Variants in MYT1L observed in about 807,000 individuals in gnomAD.
The protein encoded by MYT1L is myelin transcription factor 1-like protein.
In MYT1L, 12 loss-of-function variants were observed where a neutral mutation model predicts 126.7. That is an observed-to-expected ratio of 0.09 (90% CI 0.06 to 0.15). The LOEUF is 0.15. Among genes scored for constraint, MYT1L ranks in the 10% least tolerant of loss-of-function variants. The pLI, the probability that MYT1L is intolerant of heterozygous loss-of-function variation, is 1.00. For synonymous variants in MYT1L, 541 were observed against 604.2 expected, an observed-to-expected ratio of 0.90 and a Z score of 1.53; for missense variants, 979 against 1,585.2, an observed-to-expected ratio of 0.62 and a Z score of 6.49.
chr2:1,813,969 G>A (rs1248011743), intron 21 of MYT1L, among the ~76,000 whole-genome samples: 1 of 137,406 alleles, frequency 7.3e-6, no homozygotes, highest in Non-Finnish European at 1.6e-5. Flanking sequence ...GGAGCTTGCA[G>A]TGAGCCGAGA....
chr2:1,937,689 T>C (rs60572127), intron 9 of MYT1L, among the ~76,000 whole-genome samples: 23,085 of 150,956 alleles, frequency 0.15, 2,261 homozygotes, highest in Middle Eastern at 0.26. Flanking sequence ...GGCCCTAATG[T>C]CCACAGCCAT....
chr2:2,234,649 T>C (rs1237652880), intron 2 of MYT1L, among the ~76,000 whole-genome samples: 1 of 152,102 alleles, frequency 6.6e-6, no homozygotes, highest in East Asian at 1.9e-4. Flanking sequence ...CTGTAGTCCT[T>C]CCCCATGGCA....
At chr2:2,308,660 T>G (rs2095899005) in intron 1 of MYT1L, among the ~76,000 whole-genome samples, 1 of 151,962 alleles carries the variant, frequency 6.6e-6, no homozygotes, top group Non-Finnish European at 1.5e-5. Flanking sequence ...TACACTTCAG[T>G]ACACTCTACC....
intron 4 of MYT1L, among the ~76,000 whole-genome samples, chr2:2,016,950 T>C (rs1387408053): frequency 6.6e-6 from 1 of 152,240 alleles, no homozygotes; most frequent in East Asian, 1.9e-4. Context: ...TAAAAGCATC[T>C]ACCTGCTTAA....
At chr2:2,201,861 CACTT>C (rs2093089266) in intron 2 of MYT1L, among the ~76,000 whole-genome samples, 1 of 152,122 alleles carries the variant, frequency 6.6e-6, no homozygotes, top group African/African-American at 2.4e-5. Context: ...TATTTAACGA[CACTT>C]AATCATTACT....
chr2:1,881,032 G>A (rs2047467399), intron 18 of MYT1L, among the ~76,000 whole-genome samples: 1 of 152,194 alleles, frequency 6.6e-6, no homozygotes, highest in African/African-American at 2.4e-5. Flanking sequence ...TGGTTGTTTT[G>A]TTTTTGGCTG....
rs2065605328 is a variant in MYT1L at position 2,026,553 on chromosome 2, C to T, written c.-158+27425G>A. The stretch of plus-strand genomic sequence containing the variant: ...AATTGCTCACCACCCACTACAAGCT[C>T]AGTGCGTTAGTAAGAAAGCGGCTTC... On this transcript the variant is annotated intron_variant, in intron 4 of 24. Transcript: ENST00000647738. Among the ~76,000 whole-genome samples, 6 of 152,356 alleles carry T rather than the reference C, an allele frequency of 3.9e-5. No homozygotes were observed. In the South Asian group the frequency reaches 1.2e-3, roughly 32 times the overall value.
At chr2:2,305,520 A>T (rs556714531) in intron 1 of MYT1L, among the ~76,000 whole-genome samples, 2 of 152,364 alleles carry the variant, frequency 1.3e-5, no homozygotes, top group Middle Eastern at 3.4e-3. Context: ...CTTCACTGAG[A>T]CTGCCCTGCT....
chr2:2,170,312 G>A lies in MYT1L; in HGVS notation c.-304+2560C>T, dbSNP rs13391870. ...CCACAGGCCAAATCTGTTCTCTACC[G>A]ACGCTGTAAATAAGGGTTGACAAAC... On this transcript the variant is annotated intron_variant, in intron 3 of 24. Coordinates refer to ENST00000647738, the MANE Select transcript of MYT1L (RefSeq NM_001303052.2). Among the ~76,000 whole-genome samples the A allele has an allele frequency of 2.4e-3, 373 of 152,304 alleles. 3 individuals are homozygous for A. Among genetic ancestry groups the A allele is most frequent in the African/African-American group, 8.6e-3 (358 of 41,558 alleles).
At chr2:2,262,686 C>T (rs2095003941) in intron 2 of MYT1L, among the ~76,000 whole-genome samples, 2 of 144,834 alleles carry the variant, frequency 1.4e-5, no homozygotes, top group South Asian at 2.3e-4. Context: ...GAGCAAGACT[C>T]CATCTCAAAA....
intron 18 of MYT1L, among the ~76,000 whole-genome samples, chr2:1,873,028 GC>G (rs2046451718): frequency 6.6e-6 from 1 of 152,132 alleles, no homozygotes; most frequent in African/African-American, 2.4e-5. Flanking sequence ...CATAATCACT[GC>G]CCCAGCTCCT....
intron 22 of MYT1L, among the ~76,000 whole-genome samples, chr2:1,802,444 G>A (rs1024856449): frequency 2.6e-5 from 4 of 152,138 alleles, no homozygotes; most frequent in Admixed American, 6.5e-5. Flanking sequence ...CTGAATATTC[G>A]ACATTTAGCA....
chr2:2,219,334 A>G (rs1467812347), intron 2 of MYT1L, among the ~76,000 whole-genome samples: 1 of 152,208 alleles, frequency 6.6e-6, no homozygotes, highest in Admixed American at 6.5e-5. Context: ...GGCTTTCTGC[A>G]TAAGTTAAGG....
chr2:1,957,435 C>T (rs2058586930), intron 8 of MYT1L, among the ~76,000 whole-genome samples: 2 of 152,070 alleles, frequency 1.3e-5, no homozygotes, highest in South Asian at 2.1e-4. Flanking sequence ...CTCCCAACCT[C>T]CTGCTCAGAG....
chr2:1,862,618 A>G (rs1211374620), intron 18 of MYT1L, among the ~76,000 whole-genome samples: 1 of 152,240 alleles, frequency 6.6e-6, no homozygotes, highest in Non-Finnish European at 1.5e-5. Flanking sequence ...AATAAAATGT[A>G]TCTAGACTTC....
At chr2:2,145,478 A>AC (rs2084742965) in intron 3 of MYT1L, among the ~76,000 whole-genome samples, 2 of 152,154 alleles carry the variant, frequency 1.3e-5, no homozygotes, top group African/African-American at 4.8e-5. Flanking sequence ...AACTTGCCAC[A>AC]CCATGATATC....
chr2:2,075,144 G>A (rs1020150421), intron 3 of MYT1L, among the ~76,000 whole-genome samples: 2 of 152,190 alleles, frequency 1.3e-5, no homozygotes, highest in African/African-American at 4.8e-5. Flanking sequence ...AATGCAAAGT[G>A]CAGAAAGAAG....
At chr2:2,153,821 G>T (rs2086244988) in intron 3 of MYT1L, among the ~76,000 whole-genome samples, 1 of 152,112 alleles carries the variant, frequency 6.6e-6, no homozygotes, top group South Asian at 2.1e-4. Flanking sequence ...CTGGTGTCGG[G>T]TGGCATCTGA....
intron 4 of MYT1L, among the ~76,000 whole-genome samples, chr2:2,015,842 C>T (rs2064323544): frequency 2.0e-5 from 3 of 152,176 alleles, no homozygotes; most frequent in Admixed American, 2.0e-4. Flanking sequence ...GTCTATCTTG[C>T]AGATGTTGTG....
Sources: allele counts gnomAD v4.1 joint callset (sites outside exome capture counted in the v4.1 genomes callset), GRCh38; gene constraint gnomAD v4.1.1; transcripts MANE v1.5; gene names NCBI Gene and HGNC (gene_info 2026-07-23, HGNC 2026-07-21).